The following FADS1 variants were observed in gnomAD, a reference collection of about 807,000 sequenced individuals.
FADS1 encodes the protein fatty acid desaturase 1.
A neutral mutation model predicts 61.6 loss-of-function variants in FADS1; 17 were observed. The observed-to-expected ratio is 0.28, with a 90% confidence interval of 0.19 to 0.41. The LOEUF (loss-of-function observed/expected upper bound fraction) is 0.41. FADS1 is among the 10% of genes least tolerant of loss of function. The pLI is 1.00. For missense variants in FADS1, 387 were observed against 650.9 expected (o/e 0.59, Z 4.41); for synonymous variants, 238 against 258.7 (o/e 0.92, Z 0.77).
Position 61,815,845 on chromosome 11 carries a change from C to T in FADS1, c.375+710G>A, listed in dbSNP as rs891354644. On this transcript the variant is annotated intron_variant, in intron 1 of 11. Coordinates refer to ENST00000350997, the MANE Select transcript of FADS1 (RefSeq NM_013402.7). The surrounding 1 kb of genome is among the most constrained non-coding windows in gnomAD (Gnocchi z 6.4). Reference sequence around the variant, plus strand: ...AATAGCTGAAGACCTCGCTGGCCTGCGGCTCAGTGGCCTCCCCGGCGATTC... The same window carrying T: ...AATAGCTGAAGACCTCGCTGGCCTGTGGCTCAGTGGCCTCCCCGGCGATTC... 1 of 179,146 alleles carries T rather than the reference C, an allele frequency of 5.6e-6. No individual in the cohort carries two copies. The highest frequency in any genetic ancestry group is 1.2e-5 in the Non-Finnish European group (1 of 83,934). 11.1% of individuals were successfully genotyped at this position (179,146 alleles called of 1,614,324 possible). A position where few individuals can be genotyped will look rare whatever the true frequency, so the allele number is the denominator to read the frequency against.
Position 61,815,921 on chromosome 11 carries a change from A to C in FADS1, c.375+634T>G. On this transcript the variant is annotated intron_variant, in intron 1 of 11. Coordinates refer to ENST00000350997, the MANE Select transcript of FADS1 (RefSeq NM_013402.7). This position sits in a 1 kb window ranked among gnomAD's most constrained non-coding sequence, Gnocchi z 6.4. ...AAGTGTATGCCATTCCCAATCCCTT[A>C]TGTACGCCAGCGGCCGCTTGCCCTC... 3.1e-6 allele frequency: 1 copy of C among 327,200 alleles called. No individual in the cohort carries two copies. The highest frequency in any genetic ancestry group is 5.7e-6 in the Non-Finnish European group (1 of 174,238). The allele number at this position is 327,200 out of a possible 1,614,324, so 20.3% of individuals were successfully genotyped here.
intron 3 of FADS1, chr11:61,811,914 C>G: frequency 2.4e-6 from 1 of 424,090 alleles, no homozygotes; most frequent in Non-Finnish European, 4.8e-6. Flanking sequence ...AGAGGTTTCA[C>G]CACGTTGGCC....
intron 5 of FADS1, among the ~76,000 whole-genome samples, chr11:61,809,598 C>T (rs1269451463): frequency 6.6e-6 from 1 of 152,208 alleles, no homozygotes; most frequent in Non-Finnish European, 1.5e-5. Context: ...CTGTTCCCTT[C>T]CACTTAACCT....
At position 61,799,909 on chromosome 11, in the gene FADS1, C is replaced by T. The variant is rs2066843094; in HGVS notation, c.*2502G>A. 6.5e-6 allele frequency: 1 copy of T among 152,808 alleles called. No individual in the cohort carries two copies. The allele number at this position is 152,808 out of a possible 1,614,324, so 9.5% of individuals were successfully genotyped here. A position where few individuals can be genotyped will look rare whatever the true frequency, so the allele number is the denominator to read the frequency against. ...TCACTCATTTTACCATTGTAACATT[C>T]CGAGCCTTTTGTCACTGTGTGTCCC... is the stretch of plus-strand genomic sequence containing the variant. On this transcript the variant is annotated 3_prime_UTR_variant, in exon 12 of 12. Coordinates refer to ENST00000350997, the MANE Select transcript of FADS1 (RefSeq NM_013402.7).
Position 61,801,787 on chromosome 11 carries a change from G to A in FADS1, c.*624C>T, listed in dbSNP as rs960617229. 6.6e-6 allele frequency: 1 copy of A among 152,568 alleles called. No homozygotes were observed. The highest frequency in any genetic ancestry group is 1.5e-5 in the Non-Finnish European group (1 of 68,290). 9.5% of individuals were successfully genotyped at this position (152,568 alleles called of 1,614,324 possible). A position where few individuals can be genotyped will look rare whatever the true frequency, so the allele number is the denominator to read the frequency against. On this transcript the variant is annotated 3_prime_UTR_variant, in exon 12 of 12. Transcript: ENST00000350997. ...TGCTGTTATAATTCTTGCTCATCAGGTTCAACTGCCTTATCCCTCTGAGGT... is the reference window on the plus strand; with the variant it reads ...TGCTGTTATAATTCTTGCTCATCAGATTCAACTGCCTTATCCCTCTGAGGT...
Position 61,802,569 on chromosome 11 carries a change from C to T in FADS1, c.1455-107G>A. 7.8e-7 allele frequency: 1 copy of T among 1,289,238 alleles called. No homozygotes were observed. The highest frequency in any genetic ancestry group is 1.1e-6 in the Non-Finnish European group (1 of 911,954). 79.9% of individuals were successfully genotyped at this position (1,289,238 alleles called of 1,614,324 possible). ...CTTCTTCCATCTGGAGGTTTTCCTCCCCTCTACTTTAGAGAAAGCTAGCTT... is the reference window on the plus strand; with the variant it reads ...CTTCTTCCATCTGGAGGTTTTCCTCTCCTCTACTTTAGAGAAAGCTAGCTT... On this transcript the variant is annotated intron_variant, in intron 11 of 11. Transcript: ENST00000350997. The surrounding 1 kb of genome is among the most constrained non-coding windows in gnomAD (Gnocchi z 4.2).
At chr11:61,812,287 GT>G (rs1340782938) in intron 3 of FADS1, among the ~76,000 whole-genome samples, 183 bp downstream of exon 3, 12 of 152,304 alleles carry the variant, frequency 7.9e-5, no homozygotes, top group Middle Eastern at 3.4e-3. Flanking sequence ...AAATGAAGAT[GT>G]CCATGTGGCT....
chr11:61,810,207 A>C (rs1204958547), intron 5 of FADS1, among the ~76,000 whole-genome samples: 1 of 152,214 alleles, frequency 6.6e-6, no homozygotes, highest in Non-Finnish European at 1.5e-5. Flanking sequence ...ACGACATCTC[A>C]AACCCAACGC....
chr11:61,805,725 A>G (rs1477845898), intron 6 of FADS1: 1 of 152,220 alleles, frequency 6.6e-6, no homozygotes, highest in Non-Finnish European at 1.5e-5. Context: ...CATTTTAGGC[A>G]TTATGGAGCA....
Position 61,803,473 on chromosome 11 carries a change from T to C in FADS1, c.1152-14A>G, listed in dbSNP as rs1485867613. 1.9e-5 allele frequency: 30 copies of C among 1,602,954 alleles called. No homozygotes were observed. Among genetic ancestry groups the C allele is most frequent in the Non-Finnish European group, 2.6e-5 (30 of 1,169,932 alleles). ...CTTTCCAGGAACCTGTTAGATGTATTACACAGACAAAAACAGTACACACAG... is the reference window on the plus strand; with the variant it reads ...CTTTCCAGGAACCTGTTAGATGTATCACACAGACAAAAACAGTACACACAG... On this transcript the variant is annotated splice_polypyrimidine_tract_variant and intron_variant, in intron 8 of 11. Transcript: ENST00000350997. This position sits in a 1 kb window ranked among gnomAD's most constrained non-coding sequence, Gnocchi z 4.3.
At chr11:61,807,298 C>A (rs2066900794) in intron 5 of FADS1, among the ~76,000 whole-genome samples, 1 of 152,170 alleles carries the variant, frequency 6.6e-6, no homozygotes, top group South Asian at 2.1e-4. Context: ...GAACTCCCAA[C>A]CTCAGGTGAT....
In FADS1 at chr11:61,801,147, T is replaced by C. The variant is rs1198317116; in HGVS notation, c.*1264A>G. The C allele has an allele frequency of 6.6e-6, 1 of 152,374 alleles. No individual in the cohort carries two copies. Among genetic ancestry groups the C allele is most frequent in the Non-Finnish European group, 1.5e-5 (1 of 68,026 alleles). The allele number at this position is 152,374 out of a possible 1,614,324, so 9.4% of individuals were successfully genotyped here. On this transcript the variant is annotated 3_prime_UTR_variant, in exon 12 of 12. Coordinates refer to ENST00000350997, the MANE Select transcript of FADS1 (RefSeq NM_013402.7). ...CTGCTCCTGCTCAAAAATAATTCTA[T>C]AACATCATTTAGGTTATAGAAAGTT...
chr11:61,806,421 C>A (rs1192814243), intron 6 of FADS1: 4 of 542,006 alleles, frequency 7.4e-6, no homozygotes, highest in Non-Finnish European at 1.3e-5. Context: ...CCCAGCTTCC[C>A]AGTGGAAACT....
At chr11:61,808,254 T>A (rs956152524) in intron 5 of FADS1, among the ~76,000 whole-genome samples, 1 of 151,766 alleles carries the variant, frequency 6.6e-6, no homozygotes, top group Non-Finnish European at 1.5e-5. Flanking sequence ...GAGAATCTCT[T>A]GAACTCGGGA....
In FADS1 at chr11:61,801,409, C is replaced by T. The variant is rs1174322107; in HGVS notation, c.*1002G>A. The T allele has an allele frequency of 3.3e-5, 5 of 152,316 alleles. No individual in the cohort carries two copies. Among genetic ancestry groups the T allele is most frequent in the Non-Finnish European group, 7.4e-5 (5 of 68,020 alleles). 9.4% of individuals were successfully genotyped at this position (152,316 alleles called of 1,614,324 possible). A position where few individuals can be genotyped will look rare whatever the true frequency, so the allele number is the denominator to read the frequency against. ...AAAGACCCCCAGTCCTAGAAGTGTT[C>T]TGTTCCTGAGGAGTGGTTAAAGAGG... On this transcript the variant is annotated 3_prime_UTR_variant, in exon 12 of 12. Transcript: ENST00000350997.
chr11:61,804,051 G>A lies in FADS1; in HGVS notation c.1054-284C>T, dbSNP rs554196863. On this transcript the variant is annotated intron_variant, in intron 7 of 11. Transcript: ENST00000350997. The stretch of plus-strand genomic sequence containing the variant: ...GCCAATCTAAATCCTTCAGCATGCC[G>A]CCAAATGAATCTGCCAGGACCATGG... 125 of 485,322 alleles carry A rather than the reference G, an allele frequency of 2.6e-4. 1 individual carries two copies. The highest frequency in any genetic ancestry group is 2.2e-3 in the South Asian group (95 of 43,280). The allele number at this position is 485,322 out of a possible 1,614,324, so 30.1% of individuals were successfully genotyped here.
chr11:61,811,298 C>T (rs1188042041), intron 3 of FADS1, among the ~76,000 whole-genome samples: 2 of 152,064 alleles, frequency 1.3e-5, no homozygotes, highest in African/African-American at 4.8e-5. Context: ...TCGCCAGCTC[C>T]GAAGCTCATG....
chr11:61,812,213 G>A (rs1411897400), intron 3 of FADS1, among the ~76,000 whole-genome samples: 3 of 152,252 alleles, frequency 2.0e-5, no homozygotes, highest in Admixed American at 1.3e-4. Context: ...GTGGGCTGTG[G>A]CAGAGAACAA....
In FADS1 at chr11:61,815,088, G is replaced by A. The variant is rs959845034; in HGVS notation, c.375+1467C>T. ...AAGGCAGCTACTTTGGGTTGTGCAA[G>A]GTAAGGTCCATGGCGATAAGATTCA... On this transcript the variant is annotated intron_variant, in intron 1 of 11. Transcript: ENST00000350997. The surrounding 1 kb of genome is among the most constrained non-coding windows in gnomAD (Gnocchi z 6.4). 5 of 157,990 alleles carry A rather than the reference G, an allele frequency of 3.2e-5. No homozygotes were observed. In the South Asian group the frequency reaches 8.1e-4, roughly 26 times the overall value. The allele number at this position is 157,990 out of a possible 1,614,324, so 9.8% of individuals were successfully genotyped here.
Sources: allele counts gnomAD v4.1 joint callset (sites outside exome capture counted in the v4.1 genomes callset), GRCh38; gene constraint gnomAD v4.1.1; non-coding constraint Gnocchi (gnomAD v3.1); transcripts MANE v1.5; gene names NCBI Gene and HGNC (gene_info 2026-07-23, HGNC 2026-07-21).